Variants in TBX20 observed in about 807,000 individuals in gnomAD.
The protein encoded by TBX20 is T-box transcription factor 20, also known as T-box transcription factor TBX20.
Under a neutral mutation model 42.9 loss-of-function variants are expected in TBX20, and 8 were observed. The observed-to-expected ratio is 0.19, with a 90% CI of 0.11 to 0.34. The LOEUF is 0.34. TBX20 is among the 10% of genes least tolerant of loss of function. The probability of loss-of-function intolerance (pLI) is 1.00; values close to 1 mark genes in which losing one functional copy is unlikely to be tolerated. For missense variants in TBX20, 411 were observed against 566.0 expected, an observed-to-expected ratio of 0.73 and a Z score of 2.78; for synonymous variants, 198 against 222.8, an observed-to-expected ratio of 0.89 and a Z score of 0.99.
intron 5 of TBX20, among the ~76,000 whole-genome samples, chr7:35,235,949 T>G (rs577490824): frequency 6.6e-6 from 1 of 152,070 alleles, no homozygotes; most frequent in African/African-American, 2.4e-5. Flanking sequence ...AAAATGAAAC[T>G]TGACCTACAC....
intron 5 of TBX20, among the ~76,000 whole-genome samples, chr7:35,233,692 G>T (rs571249245): frequency 2.6e-5 from 4 of 152,178 alleles, no homozygotes; most frequent in African/African-American, 9.7e-5. Flanking sequence ...TACAGTCTAC[G>T]ATTACAAATA....
chr7:35,240,877 A>C lies in TBX20; in HGVS notation c.813+2T>G. The C allele has an allele frequency of 6.2e-7, 1 of 1,613,590 alleles. No individual in the cohort carries two copies. ...GAACTAAATTGTGAACTGTACACTCACCAGTTGATTCTGGTAGGCAGTGAC... is the reference window on the plus strand; with the variant it reads ...GAACTAAATTGTGAACTGTACACTCCCCAGTTGATTCTGGTAGGCAGTGAC... On this transcript the variant is annotated splice_donor_variant, in intron 5 of 7. Transcript: ENST00000408931. LOFTEE classifies it high-confidence loss of function.
chr7:35,209,024 T>C lies in TBX20; in HGVS notation c.891-4442A>G, dbSNP rs140585086. On this transcript the variant is annotated intron_variant, in intron 6 of 7. Coordinates refer to ENST00000408931, the MANE Select transcript of TBX20 (RefSeq NM_001077653.2). ...TTTGTCAGCATGGTCATTACATCCATTGAATTTCAAATGTTAAATCGACCT... is the reference window on the plus strand; with the variant it reads ...TTTGTCAGCATGGTCATTACATCCACTGAATTTCAAATGTTAAATCGACCT... Among the ~76,000 whole-genome samples the C allele has an allele frequency of 3.5e-4, 53 of 152,340 alleles. No individual in the cohort carries two copies. The East Asian group carries it at 9.4e-3, about 27-fold the overall frequency.
At position 35,241,019 on chromosome 7, in the gene TBX20, G is replaced by A; in HGVS notation, c.673C>T (p.His225Tyr). The change falls in exon 5 of 8, where the codon CAT (histidine) becomes TAT (tyrosine). Residue 225 changes from histidine (H) to tyrosine (Y), a missense_variant. Coordinates refer to ENST00000408931, the MANE Select transcript of TBX20 (RefSeq NM_001077653.2). ...QHGHIILNSM[H>Y]KYQPRVHIIK... ...ATGTGCACCCTTGGCTGGTACTTAT[G>A]CATTGAGTTCAAAATTATCTACAAC... 6.2e-7 allele frequency: 1 copy of A among 1,613,838 alleles called. No homozygotes were observed. The highest frequency in any genetic ancestry group is 8.5e-7 in the Non-Finnish European group (1 of 1,179,766).
chr7:35,226,897 C>T (rs1789781399), intron 6 of TBX20, among the ~76,000 whole-genome samples: 1 of 151,810 alleles, frequency 6.6e-6, no homozygotes, highest in Admixed American at 6.6e-5. Flanking sequence ...CAGCCTCAGG[C>T]AGATCCTTTG....
At chr7:35,215,625 T>C (rs999570805) in intron 6 of TBX20, among the ~76,000 whole-genome samples, 4 of 152,198 alleles carry the variant, frequency 2.6e-5, no homozygotes, top group African/African-American at 9.6e-5. Flanking sequence ...AAGTGGGTAC[T>C]CTTATTGAAG....
In TBX20 at chr7:35,202,681, G is replaced by C; in HGVS notation, c.1093C>G (p.Leu365Val). The C allele has an allele frequency of 6.2e-7, 1 of 1,611,588 alleles. No individual in the cohort carries two copies. Among genetic ancestry groups the C allele is most frequent in the Non-Finnish European group, 8.5e-7 (1 of 1,178,866 alleles). The change falls in exon 8 of 8, where the codon CTG becomes GTG. Residue 365 changes from leucine to valine, a missense_variant. Transcript: ENST00000408931. ...GCTGTGCTGGTGCCAAGAGCAGTCA[G>C]GGACTGTGGGTGCTGAAACCCAGGA... Reference protein sequence around the residue: ...SFPGFQHPQSLTALGTSTASI... With the variant: ...SFPGFQHPQSVTALGTSTASI...
At chr7:35,203,686 C>T (rs1333707289) in intron 7 of TBX20, among the ~76,000 whole-genome samples, 2 of 152,214 alleles carry the variant, frequency 1.3e-5, no homozygotes, top group Admixed American at 6.5e-5. Context: ...AAGTTATATG[C>T]ACGTTTTGGA....
chr7:35,242,218 T>C (rs1289296952), intron 4 of TBX20, among the ~76,000 whole-genome samples: 1 of 152,202 alleles, frequency 6.6e-6, no homozygotes, highest in African/African-American at 2.4e-5. Context: ...ATAACTGATA[T>C]ATAATCGCTC....
rs113179700 is a variant in TBX20, at chr7:35,248,646, T to G, written c.545+31A>C. ...AACATTCTGACAGATGCACTAACAG[T>G]TTTCTCAGTGAAAAATCTGGAGGCA... On this transcript the variant is annotated intron_variant, in intron 3 of 7. Coordinates refer to ENST00000408931, the MANE Select transcript of TBX20 (RefSeq NM_001077653.2). 8 of 1,612,726 alleles carry G rather than the reference T, an allele frequency of 5.0e-6. No homozygotes were observed. The African/African-American group carries it at 1.1e-4, about 22-fold the overall frequency.
intron 6 of TBX20, among the ~76,000 whole-genome samples, chr7:35,226,609 G>T (rs1584348277): frequency 6.6e-6 from 1 of 152,062 alleles, no homozygotes; most frequent in Non-Finnish European, 1.5e-5. Context: ...ACAGTCATGT[G>T]CCACATCACA....
chr7:35,250,280 A>AG (rs1790280673), intron 1 of TBX20, 77 bp from the exon 2 acceptor site: 1 of 1,559,662 alleles, frequency 6.4e-7, no homozygotes, highest in Non-Finnish European at 8.8e-7. Context: ...GCATAACCAA[A>AG]TGGTCACTTG....
At chr7:35,250,393 C>A (rs1377057059) in intron 1 of TBX20, among the ~76,000 whole-genome samples, 190 bp from the exon 2 acceptor site, 1 of 152,176 alleles carries the variant, frequency 6.6e-6, no homozygotes, top group Non-Finnish European at 1.5e-5. Flanking sequence ...GAGTAGCATG[C>A]CCAGTGTTTC....
intron 6 of TBX20, among the ~76,000 whole-genome samples, chr7:35,216,844 A>C (rs1186885516): frequency 6.6e-6 from 1 of 152,178 alleles, no homozygotes; most frequent in Non-Finnish European, 1.5e-5. Flanking sequence ...TTTATAAAAA[A>C]CAAAATATAT....
At position 35,249,105 on chromosome 7, in the gene TBX20, G is replaced by T; in HGVS notation, c.381-264C>A. Among the ~76,000 whole-genome samples, 1 of 150,402 alleles carries T rather than the reference G, an allele frequency of 6.6e-6. No homozygotes were observed. Among genetic ancestry groups the T allele is most frequent in the African/African-American group, 2.4e-5 (1 of 40,920 alleles). Reference sequence around the variant, plus strand: ...GGTGAAAAGGTGGGGGTGGGGGTGGGGGTATGTGTTAACTCCAGAAGGTCT... The same window carrying T: ...GGTGAAAAGGTGGGGGTGGGGGTGGTGGTATGTGTTAACTCCAGAAGGTCT... On this transcript the variant is annotated intron_variant, in intron 2 of 7. Transcript: ENST00000408931. The surrounding 1 kb of genome is among the most constrained non-coding windows in gnomAD (Gnocchi z 4.3).
intron 7 of TBX20, among the ~76,000 whole-genome samples, chr7:35,204,008 C>A (rs1274975371): frequency 6.6e-6 from 1 of 152,176 alleles, no homozygotes; most frequent in African/African-American, 2.4e-5. Context: ...TATGTAATAT[C>A]CTTCATTAGG....
intron 6 of TBX20, among the ~76,000 whole-genome samples, chr7:35,214,283 A>G (rs1789546028): frequency 1.3e-5 from 2 of 152,294 alleles, no homozygotes; most frequent in South Asian, 4.2e-4. Flanking sequence ...AAGTCGGTGG[A>G]GAAATTGACT....
At chr7:35,221,590 G>A (rs902945881) in intron 6 of TBX20, among the ~76,000 whole-genome samples, 2 of 152,108 alleles carry the variant, frequency 1.3e-5, no homozygotes, top group African/African-American at 2.4e-5. Context: ...TAAAAGGAAG[G>A]TTAAAAGAGT....
At position 35,204,486 on chromosome 7, in the gene TBX20, C is replaced by T. The variant is rs1789365629; in HGVS notation, c.987G>A (p.Gln329=). 9 of 1,613,018 alleles carry T rather than the reference C, an allele frequency of 5.6e-6. No individual in the cohort carries two copies. The South Asian group carries it at 9.9e-5, about 18-fold the overall frequency. The change falls in exon 7 of 8, where the codon CAG becomes CAA. Residue 329 remains glutamine (Q), a synonymous_variant. Transcript: ENST00000408931. ...CTACCTTACCTCGATTTGGGGTTGT[C>T]TGACTCTCATCCCCCAAGACATCTT... is the stretch of plus-strand genomic sequence containing the variant. ...GEEDVLGDES[Q]TTPNRGSAFT... is the part of the protein sequence containing the mutation.
Sources: allele counts gnomAD v4.1 joint callset (sites outside exome capture counted in the v4.1 genomes callset), GRCh38; gene constraint gnomAD v4.1.1; non-coding constraint Gnocchi (gnomAD v3.1); transcripts MANE v1.5; gene names NCBI Gene and HGNC (gene_info 2026-07-23, HGNC 2026-07-21).